Variants in GRAP2 observed in about 807,000 individuals in gnomAD.
GRAP2 encodes GRB2-related adapter protein 2.
A neutral mutation model predicts 43.5 loss-of-function variants in GRAP2; 31 were observed. The ratio of observed to expected loss-of-function variants is 0.71; its 90% confidence interval spans 0.54 to 0.96. GRAP2 has a LOEUF of 0.96. GRAP2 is among the 40% of genes least tolerant of loss of function. The pLI is 0.00. For synonymous variants in GRAP2, 156 were observed against 164.8 expected, an observed-to-expected ratio of 0.95 and a Z score of 0.41; for missense variants, 371 against 424.4, an observed-to-expected ratio of 0.87 and a Z score of 1.11.
At chr22:39,920,943 GACACACACACACACACACAC>G (rs137974) in intron 1 of GRAP2, among the ~76,000 whole-genome samples, 6 of 142,488 alleles carry the variant, frequency 4.2e-5, no homozygotes, top group Non-Finnish European at 9.3e-5. Flanking sequence ...TCTCTACACA[GACACACACACACACACACAC>G]ACACACACAC....
rs748786613 is a variant in GRAP2, at chr22:39,969,435, A to G, written c.715A>G (p.Ile239Val). The G allele has an allele frequency of 6.1e-5, 99 of 1,613,964 alleles. No homozygotes were observed. The highest frequency in any genetic ancestry group is 8.0e-5 in the Non-Finnish European group (94 of 1,179,938). The change falls in exon 7 of 8, where the codon ATA (isoleucine) becomes GTA (valine). Residue 239 changes from isoleucine (I) to valine (V), a missense_variant. Physicochemically the swap from Ile to Val is conservative, Grantham distance 29 (BLOSUM62 3). Transcript: ENST00000344138. ...HQERRGGSLDINDGHCGTGLG... is the reference protein window; with the variant it reads ...HQERRGGSLDVNDGHCGTGLG... ...GGAACGCCGAGGAGGCAGCCTTGAC[A>G]TAAATGATGGGCATTGTGGCACCGG...
chr22:39,968,458 AAC>A (rs138010), intron 6 of GRAP2, 186 bp downstream of exon 6: 319,883 of 514,634 alleles, frequency 0.62, 74,398 homozygotes, highest in African/African-American at 0.77. Context: ...CTCCCACCTG[AAC>A]ACACACACAC....
chr22:39,964,714 G>GT lies in GRAP2; in HGVS notation c.291-1275dup, dbSNP rs1177318616. Reference sequence around the variant, plus strand: ...GTTGTACATTTAAGAATAAACTTTTGTAAAAAAAAAAAAAAAAAAATCTTC... The same window carrying GT: ...GTTGTACATTTAAGAATAAACTTTTGTTAAAAAAAAAAAAAAAAAAATCTTC... On this transcript the variant is annotated intron_variant, in intron 4 of 7. Transcript: ENST00000344138. 4.2e-4 allele frequency: 80 copies of GT among 191,764 alleles called. No homozygotes were observed. In the African/African-American group the frequency reaches 5.1e-3, roughly 12 times the overall value. The allele number at this position is 191,764 out of a possible 1,614,324, so 11.9% of individuals were successfully genotyped here.
chr22:39,943,053 T>C (rs1334465922), intron 1 of GRAP2, among the ~76,000 whole-genome samples: 1 of 152,252 alleles, frequency 6.6e-6, no homozygotes, highest in Non-Finnish European at 1.5e-5. Context: ...TGTTATGCAA[T>C]TGCCCTTTGT....
chr22:39,953,187 C>A (rs2067007006), intron 2 of GRAP2, among the ~76,000 whole-genome samples: 1 of 152,222 alleles, frequency 6.6e-6, no homozygotes, highest in African/African-American at 2.4e-5. Flanking sequence ...CAAGCCCCAA[C>A]CTTAGCCTCT....
chr22:39,950,495 A>G (rs963787439), intron 2 of GRAP2, among the ~76,000 whole-genome samples: 1 of 152,226 alleles, frequency 6.6e-6, no homozygotes, highest in Non-Finnish European at 1.5e-5. Context: ...AGCTGTGCCT[A>G]GAACTCCCTG....
chr22:39,961,132 T>C (rs893681956), intron 4 of GRAP2, among the ~76,000 whole-genome samples: 4 of 152,076 alleles, frequency 2.6e-5, no homozygotes, highest in Admixed American at 2.0e-4. Flanking sequence ...AACTTATTTC[T>C]TTGTAGAGAC....
chr22:39,922,271 G>A lies in GRAP2; in HGVS notation c.-15+20941G>A, dbSNP rs569091892. Among the ~76,000 whole-genome samples the A allele has an allele frequency of 1.3e-3, 191 of 152,240 alleles. 2 individuals carry two copies. The highest frequency in any genetic ancestry group is 0.011 in the South Asian group (52 of 4,820). On this transcript the variant is annotated intron_variant, in intron 1 of 7. Coordinates refer to ENST00000344138, the MANE Select transcript of GRAP2 (RefSeq NM_004810.4). ...GAAGATGAGGCCAGGGTACCCTTGG[G>A]GCAGAAGGGAGGGAGGATTAAGCTC...
chr22:39,939,410 A>C (rs1168862723), intron 1 of GRAP2, among the ~76,000 whole-genome samples: 1 of 151,882 alleles, frequency 6.6e-6, no homozygotes, highest in African/African-American at 2.4e-5. Flanking sequence ...AAAATACAAA[A>C]AATTAGCCGG....
Position 39,969,451 on chromosome 22 carries a change from G to A in GRAP2, c.731G>A (p.Cys244Tyr). 1.2e-6 allele frequency: 2 copies of A among 1,614,046 alleles called. No homozygotes were observed. Among genetic ancestry groups the A allele is most frequent in the Non-Finnish European group, 1.7e-6 (2 of 1,179,936 alleles). The part of the protein sequence containing the change: ...GGSLDINDGH[C>Y]GTGLGSEMNA... Reference sequence around the variant, plus strand: ...AGCCTTGACATAAATGATGGGCATTGTGGCACCGGCTTGGGCAGTGAAATG... The same window carrying A: ...AGCCTTGACATAAATGATGGGCATTATGGCACCGGCTTGGGCAGTGAAATG... The change falls in exon 7 of 8, where the codon TGT becomes TAT. Residue 244 changes from cysteine (C) to tyrosine (Y), a missense_variant. Transcript: ENST00000344138.
chr22:39,938,997 T>G (rs940824350), intron 1 of GRAP2, among the ~76,000 whole-genome samples: 5 of 152,068 alleles, frequency 3.3e-5, no homozygotes, highest in African/African-American at 1.2e-4. Flanking sequence ...TTCCTGGGGC[T>G]AGGAGGAGAA....
intron 1 of GRAP2, among the ~76,000 whole-genome samples, chr22:39,901,952 T>C (rs2066496096): frequency 6.6e-6 from 1 of 152,236 alleles, no homozygotes; most frequent in Admixed American, 6.5e-5. Context: ...TTTGTGTTCT[T>C]TGTCCCAACT....
rs768428949 is a variant in GRAP2, at chr22:39,970,901, A to G, written c.814-4A>G. On this transcript the variant is annotated splice_polypyrimidine_tract_variant and splice_region_variant and intron_variant, in intron 7 of 7. Coordinates refer to ENST00000344138, the MANE Select transcript of GRAP2 (RefSeq NM_004810.4). Reference sequence around the variant, plus strand: ...CAGAGCCTCTTCTGTGCTTCCCCCAACAGCGAGTGCGGTGGGCCCGGGCGC... The same window carrying G: ...CAGAGCCTCTTCTGTGCTTCCCCCAGCAGCGAGTGCGGTGGGCCCGGGCGC... 20 of 1,595,586 alleles carry G rather than the reference A, an allele frequency of 1.3e-5. No homozygotes were observed. The highest frequency in any genetic ancestry group is 1.5e-5 in the Non-Finnish European group (18 of 1,171,370).
At chr22:39,961,930 A>C (rs1461910736) in intron 4 of GRAP2, among the ~76,000 whole-genome samples, 1 of 152,264 alleles carries the variant, frequency 6.6e-6, no homozygotes. Flanking sequence ...ATAACAGGTC[A>C]ACAATTTGTA....
intron 4 of GRAP2, 158 bp downstream of exon 4, chr22:39,960,332 G>A (rs1197818319): frequency 3.0e-6 from 2 of 664,660 alleles, no homozygotes; most frequent in Middle Eastern, 4.2e-4. Context: ...GCTGCTCCCA[G>A]TGCCTTCCCA....
At chr22:39,904,304 C>T (rs2066510100) in intron 1 of GRAP2, among the ~76,000 whole-genome samples, 1 of 152,188 alleles carries the variant, frequency 6.6e-6, no homozygotes, top group Admixed American at 6.5e-5. Flanking sequence ...ACGAGAATTG[C>T]TTGAACCCGG....
At chr22:39,908,185 A>G (rs2066536001) in intron 1 of GRAP2, among the ~76,000 whole-genome samples, 1 of 152,234 alleles carries the variant, frequency 6.6e-6, no homozygotes, top group African/African-American at 2.4e-5. Flanking sequence ...AACAGAGGGA[A>G]ATGACCTTTT....
chr22:39,965,363 A>G (rs1203598690), intron 4 of GRAP2, among the ~76,000 whole-genome samples: 2 of 152,132 alleles, frequency 1.3e-5, no homozygotes, highest in Non-Finnish European at 2.9e-5. Context: ...ACAGAGTGAG[A>G]CTCCATCTCA....
intron 1 of GRAP2, among the ~76,000 whole-genome samples, chr22:39,934,985 A>G (rs955396372): frequency 5.9e-5 from 9 of 152,220 alleles, no homozygotes; most frequent in African/African-American, 1.9e-4. Flanking sequence ...CTCAGACCAT[A>G]TCTTGAATAC....
Sources: gnomAD v4.1 joint callset for allele counts (sites outside exome capture counted in the v4.1 genomes callset) on GRCh38, gnomAD v4.1.1 for gene constraint, MANE v1.5 for transcripts, NCBI Gene and HGNC (gene_info 2026-07-23, HGNC 2026-07-21) for gene names.